Variants in PAH observed in about 807,000 individuals in gnomAD.
PAH encodes phenylalanine-4-hydroxylase.
A neutral mutation model predicts 62.0 loss-of-function variants in PAH; 64 were observed. The observed-to-expected ratio is 1.03, with a 90% CI of 0.84 to 1.27. The LOEUF (loss-of-function observed/expected upper bound fraction) is 1.27. Ranked by LOEUF, PAH falls within the 50% of genes most tolerant of loss-of-function variation. The pLI is 0.00. For synonymous variants in PAH, 195 were observed against 196.2 expected (o/e 0.99, Z 0.05); for missense variants, 579 against 542.8 (o/e 1.07, Z -0.66).
At chr12:102,941,396 T>G (rs140615635) in intron 1 of PAH, among the ~76,000 whole-genome samples, 1 of 152,154 alleles carries the variant, frequency 6.6e-6, no homozygotes, top group Non-Finnish European at 1.5e-5. Flanking sequence ...CCAAACTATA[T>G]GCTGTCTTCA....
intron 3 of PAH, among the ~76,000 whole-genome samples, chr12:102,891,702 G>A (rs368186745): frequency 2.0e-5 from 3 of 152,098 alleles, no homozygotes; most frequent in Non-Finnish European, 2.9e-5. Flanking sequence ...GAGTGTGGTC[G>A]CCGTGCTTCC....
chr12:102,849,705 G>C (rs1049962596), intron 8 of PAH, among the ~76,000 whole-genome samples: 7 of 152,158 alleles, frequency 4.6e-5, no homozygotes, highest in Non-Finnish European at 8.8e-5. Flanking sequence ...AGAAACCACT[G>C]ATAAATCCAA....
intron 8 of PAH, 135 bp from the exon 9 acceptor site, chr12:102,847,086 T>C: frequency 1.4e-6 from 1 of 729,424 alleles, no homozygotes; most frequent in South Asian, 1.5e-5. Flanking sequence ...GAGTGTGTTA[T>C]CAAGTCTTTC....
At chr12:102,856,368 A>G (rs1032525184) in intron 5 of PAH, among the ~76,000 whole-genome samples, 3 of 152,174 alleles carry the variant, frequency 2.0e-5, no homozygotes, top group African/African-American at 7.2e-5. Context: ...ACCACAGCTC[A>G]AGGAGGCCTG....
chr12:102,912,729 T>C, intron 2 of PAH, 62 bp downstream of exon 2: 1 of 1,170,300 alleles, frequency 8.5e-7, no homozygotes, highest in Admixed American at 1.7e-5. Context: ...TGCATCTAAC[T>C]AGAAAAGAAC....
chr12:102,844,250 A>G, intron 10 of PAH, 86 bp downstream of exon 10: 1 of 924,084 alleles, frequency 1.1e-6, no homozygotes. Flanking sequence ...GGATACAAAT[A>G]GGGTTTCAAC....
upstream of PAH, among the ~76,000 whole-genome samples, chr12:102,920,968 C>A (rs905022880): frequency 6.6e-6 from 1 of 152,298 alleles, no homozygotes; most frequent in African/African-American, 2.4e-5. Flanking sequence ...CCACCCCAAA[C>A]AATACTGTGA....
intron 8 of PAH, among the ~76,000 whole-genome samples, chr12:102,848,737 T>C (rs1332433689): frequency 6.7e-6 from 1 of 149,396 alleles, no homozygotes; most frequent in Non-Finnish European, 1.5e-5. Flanking sequence ...ACCAGGAGAC[T>C]GGAGAGGTTG....
chr12:102,917,323 G>GGCAGCCT (rs1295393651), upstream of PAH: 96 of 630,396 alleles, frequency 1.5e-4, 2 homozygotes, highest in East Asian at 2.8e-3. Context: ...AGGAGGCCAG[G>GGCAGCCT]GCAGCCTGCC....
At chr12:102,947,178 T>A (rs1879532965) in intron 1 of PAH, among the ~76,000 whole-genome samples, 1 of 152,104 alleles carries the variant, frequency 6.6e-6, no homozygotes, top group Non-Finnish European at 1.5e-5. Context: ...TGTGTGTTTG[T>A]GTGTGTATAT....
At position 102,868,019 on chromosome 12, in the gene PAH, C is replaced by CGTGT. The variant is rs1332746708; in HGVS notation, c.442-1357_442-1356insACAC. On this transcript the variant is annotated intron_variant, in intron 4 of 12. Transcript: ENST00000553106. ...ATGTATATATGTATATACATATATACATATATACATGTATATACACCTATA... is the reference window on the plus strand; with the variant it reads ...ATGTATATATGTATATACATATATACGTGTATATATACATGTATATACACCTATA... 5.1e-4 allele frequency among the ~76,000 whole-genome samples: 69 copies of CGTGT among 136,324 alleles called. 2 individuals carry two copies. Among genetic ancestry groups the CGTGT allele is most frequent in the African/African-American group, 1.4e-3 (53 of 36,792 alleles). The allele number at this position is 136,324 out of a possible 152,430, so 89.4% of individuals were successfully genotyped here. A position where few individuals can be genotyped will look rare whatever the true frequency, so the allele number is the denominator to read the frequency against.
At chr12:102,951,636 C>T (rs554041855), upstream of PAH, among the ~76,000 whole-genome samples, 3 of 152,280 alleles carry the variant, frequency 2.0e-5, no homozygotes, top group East Asian at 5.8e-4. Context: ...CTCTTCCCCA[C>T]CCCCGAGTTC....
intron 3 of PAH, among the ~76,000 whole-genome samples, chr12:102,886,639 C>T (rs1309484265): frequency 6.6e-6 from 1 of 152,130 alleles, no homozygotes; most frequent in Non-Finnish European, 1.5e-5. Flanking sequence ...TTGGTTATGT[C>T]ACTCCAGGAG....
At chr12:102,954,361 C>T (rs1475250245), upstream of PAH, among the ~76,000 whole-genome samples, 1 of 152,172 alleles carries the variant, frequency 6.6e-6, no homozygotes, top group Non-Finnish European at 1.5e-5. Context: ...CAGAGTGGTT[C>T]CAGGAAGCCA....
At chr12:102,958,394 G>GCAA, upstream of PAH, 1 of 623,200 alleles carries the variant, frequency 1.6e-6, no homozygotes, top group Non-Finnish European at 2.1e-6. Context: ...CGCAGAGCGC[G>GCAA]CAGCAGCAGC....
chr12:102,924,589 C>T (rs1030559533), intron 1 of PAH, among the ~76,000 whole-genome samples: 2 of 152,122 alleles, frequency 1.3e-5, no homozygotes, highest in Non-Finnish European at 2.9e-5. Context: ...AGAACATCTC[C>T]ATCTCTGAAG....
At chr12:102,877,969 G>A (rs10778206) in intron 3 of PAH, among the ~76,000 whole-genome samples, 30,621 of 151,878 alleles carry the variant, frequency 0.2, 4,267 homozygotes, top group East Asian at 0.69. Context: ...GGGATTACAG[G>A]TGCACGCCAT....
chr12:102,862,293 T>C (rs774195332), intron 5 of PAH, among the ~76,000 whole-genome samples: 1 of 152,006 alleles, frequency 6.6e-6, no homozygotes, highest in Non-Finnish European at 1.5e-5. Context: ...AGCAAACTAA[T>C]GGAAGAGAAA....
chr12:102,858,723 C>A (rs553036060), intron 5 of PAH, among the ~76,000 whole-genome samples: 22 of 152,264 alleles, frequency 1.4e-4, no homozygotes, highest in African/African-American at 5.3e-4. Flanking sequence ...CTGAATGACT[C>A]CTGGGTACAT....
Sources: allele counts gnomAD v4.1 joint callset (sites outside exome capture counted in the v4.1 genomes callset), GRCh38; gene constraint gnomAD v4.1.1; transcripts MANE v1.5; gene names NCBI Gene and HGNC (gene_info 2026-07-23, HGNC 2026-07-21).